The following ANO3 variants were observed in gnomAD, a reference collection of about 807,000 sequenced individuals.
The protein encoded by ANO3 is anoctamin 3, also known as anoctamin-3.
Under a neutral mutation model 144.8 loss-of-function variants are expected in ANO3, and 99 were observed. The ratio of observed to expected loss-of-function variants is 0.68; its 90% CI spans 0.58 to 0.81. ANO3 has a LOEUF of 0.81. ANO3 is among the 30% of genes least tolerant of loss of function. The probability of loss-of-function intolerance (pLI) is 0.00; values close to 1 mark genes in which losing one functional copy is unlikely to be tolerated. For missense variants in ANO3, 905 were observed against 1,202.2 expected (o/e 0.75, Z 3.66); for synonymous variants, 414 against 392.6 (o/e 1.05, Z -0.64).
At position 26,567,212 on chromosome 11, in the gene ANO3, GT is replaced by G. The variant is rs1850623739; in HGVS notation, c.1447+7434del. On this transcript the variant is annotated intron_variant, in intron 14 of 26. Transcript: ENST00000256737. The stretch of plus-strand genomic sequence containing the variant: ...ATCTCATTAGAGGCTAAAATTTGCA[GT>G]GCTTTTAATGGAAAATTTACTTTAA... The G allele has an allele frequency of 5.1e-6, 5 of 974,930 alleles. No homozygotes were observed. In the East Asian group the frequency reaches 1.3e-4, roughly 25 times the overall value. 60.4% of individuals were successfully genotyped at this position (974,930 alleles called of 1,614,324 possible). A position where few individuals can be genotyped will look rare whatever the true frequency, so the allele number is the denominator to read the frequency against.
intron 1 of ANO3, among the ~76,000 whole-genome samples, chr11:26,322,431 C>A (rs1481592158): frequency 6.6e-6 from 1 of 151,996 alleles, no homozygotes; most frequent in Non-Finnish European, 1.5e-5. Context: ...CATCTCTTTT[C>A]TGTTCCAGGA....
At chr11:26,219,207 T>C (rs1005412119) in intron 1 of ANO3, among the ~76,000 whole-genome samples, 1 of 152,202 alleles carries the variant, frequency 6.6e-6, no homozygotes, top group Non-Finnish European at 1.5e-5. Context: ...AAAATTGCCC[T>C]GGGTTGAGAA....
At chr11:26,497,035 CA>C (rs1860985262) in intron 4 of ANO3, among the ~76,000 whole-genome samples, 1 of 149,782 alleles carries the variant, frequency 6.7e-6, no homozygotes, top group African/African-American at 2.5e-5. Context: ...GACACACACA[CA>C]CACACACACA....
At chr11:26,421,071 T>G (rs1232916906) in intron 1 of ANO3, among the ~76,000 whole-genome samples, 2 of 151,960 alleles carry the variant, frequency 1.3e-5, no homozygotes, top group Admixed American at 6.6e-5. Context: ...TTGTGAGGAT[T>G]TTCACACATA....
chr11:26,589,217 A>G (rs1262814611), intron 14 of ANO3, among the ~76,000 whole-genome samples: 1 of 152,216 alleles, frequency 6.6e-6, no homozygotes, highest in Non-Finnish European at 1.5e-5. Flanking sequence ...CCACATGATG[A>G]TAACATTTGC....
At chr11:26,416,875 A>C (rs1175758799) in intron 1 of ANO3, among the ~76,000 whole-genome samples, 1 of 152,120 alleles carries the variant, frequency 6.6e-6, no homozygotes, top group Non-Finnish European at 1.5e-5. Flanking sequence ...CTGGGTAAAC[A>C]CAAGGAAATG....
At chr11:26,581,518 G>A (rs1290392655) in intron 14 of ANO3, among the ~76,000 whole-genome samples, 3 of 151,510 alleles carry the variant, frequency 2.0e-5, no homozygotes, top group South Asian at 2.1e-4. Context: ...GTGAAACCCC[G>A]TCTCTACTAA....
intron 11 of ANO3, among the ~76,000 whole-genome samples, chr11:26,543,027 G>A (rs1291901145): frequency 1.3e-5 from 2 of 152,104 alleles, no homozygotes; most frequent in South Asian, 2.1e-4. Context: ...GCATAAGCCA[G>A]GGTCAAGGGA....
chr11:26,248,408 T>C (rs894507947), intron 1 of ANO3, among the ~76,000 whole-genome samples: 3 of 152,090 alleles, frequency 2.0e-5, no homozygotes, highest in Admixed American at 6.5e-5. Context: ...TCCAAGCTGA[T>C]CTCTTTCAAG....
chr11:26,628,914 A>C lies in ANO3; in HGVS notation c.1873+4416A>C, dbSNP rs113748706. 3.2e-3 allele frequency among the ~76,000 whole-genome samples: 489 copies of C among 152,250 alleles called. 5 individuals are homozygous for C. The highest frequency in any genetic ancestry group is 0.011 in the African/African-American group (470 of 41,540). On this transcript the variant is annotated intron_variant, in intron 18 of 26. Transcript: ENST00000256737. ...ACCTGGCTAGCTTGCTTATAGCAGT[A>C]TGATAGGACATCTTACATGTCAACT...
At chr11:26,615,103 C>G (rs1247832193) in intron 17 of ANO3, among the ~76,000 whole-genome samples, 2 of 150,320 alleles carry the variant, frequency 1.3e-5, no homozygotes, top group East Asian at 1.9e-4. Context: ...GAAAAAAACT[C>G]TTAGCTTTTA....
At chr11:26,268,431 G>C (rs1853361747) in intron 1 of ANO3, among the ~76,000 whole-genome samples, 1 of 152,074 alleles carries the variant, frequency 6.6e-6, no homozygotes, top group Non-Finnish European at 1.5e-5. Context: ...CAGCCCCTCG[G>C]GGGTTTGATC....
At chr11:26,623,933 C>A (rs890303570) in intron 17 of ANO3, among the ~76,000 whole-genome samples, 3 of 152,058 alleles carry the variant, frequency 2.0e-5, no homozygotes, top group African/African-American at 7.2e-5. Flanking sequence ...ACTACAGGCG[C>A]CCGCCAACGT....
chr11:26,263,149 T>C (rs760579836), intron 1 of ANO3, among the ~76,000 whole-genome samples: 1 of 152,234 alleles, frequency 6.6e-6, no homozygotes, highest in Non-Finnish European at 1.5e-5. Context: ...ATTTCTATTT[T>C]ACTCTTCAAC....
intron 1 of ANO3, among the ~76,000 whole-genome samples, chr11:26,391,179 G>C (rs1856868664): frequency 6.6e-6 from 1 of 151,958 alleles, no homozygotes; most frequent in South Asian, 2.1e-4. Context: ...CATCTAATGA[G>C]GGCCTTCTTG....
intron 1 of ANO3, among the ~76,000 whole-genome samples, chr11:26,363,757 A>G (rs1855988622): frequency 6.6e-6 from 1 of 151,804 alleles, no homozygotes; most frequent in Admixed American, 6.6e-5. Flanking sequence ...CATTTCTTTT[A>G]TTCAAGCCTA....
intron 17 of ANO3, among the ~76,000 whole-genome samples, chr11:26,619,714 A>G (rs1278092714): frequency 6.6e-6 from 1 of 152,110 alleles, no homozygotes; most frequent in Admixed American, 6.5e-5. Context: ...AGATCCGCCC[A>G]CTTTGGCCTC....
chr11:26,303,863 G>T lies in ANO3; in HGVS notation c.155-5782G>T, dbSNP rs147170490. Among the ~76,000 whole-genome samples, 817 of 152,172 alleles carry T rather than the reference G, an allele frequency of 5.4e-3. 6 individuals are homozygous for T. The highest frequency in any genetic ancestry group is 0.023 in the South Asian group (110 of 4,812). Reference sequence around the variant, plus strand: ...GCCTCCCAAGTAGCTGAGACTACAGGTGCCTGCCACCATACCTGGCTAATT... The same window carrying T: ...GCCTCCCAAGTAGCTGAGACTACAGTTGCCTGCCACCATACCTGGCTAATT... On this transcript the variant is annotated intron_variant, in intron 1 of 27. Transcript: ENST00000672621.
chr11:26,452,455 C>A (rs908280396), intron 3 of ANO3, among the ~76,000 whole-genome samples: 1 of 151,942 alleles, frequency 6.6e-6, no homozygotes, highest in African/African-American at 2.4e-5. Flanking sequence ...GGAGCCGATG[C>A]GATCAACTGG....
Sources: gnomAD v4.1 joint callset for allele counts (sites outside exome capture counted in the v4.1 genomes callset) on GRCh38, gnomAD v4.1.1 for gene constraint, MANE v1.5 for transcripts, NCBI Gene and HGNC (gene_info 2026-07-23, HGNC 2026-07-21) for gene names.